Variants in PMS1 observed in about 807,000 individuals in gnomAD.
The protein encoded by PMS1 is PMS1 homolog 1, mismatch repair system component.
PMS1 carries 79 observed loss-of-function variants against 93.1 expected under a neutral mutation model. That is an observed-to-expected ratio of 0.85 (90% CI 0.71 to 1.02). The LOEUF (loss-of-function observed/expected upper bound fraction) is 1.02. Ranked by LOEUF, PMS1 falls within the 50% of genes least tolerant of loss-of-function variation. The pLI, the probability that PMS1 is intolerant of heterozygous loss-of-function variation, is 0.00. For synonymous variants in PMS1, 335 were observed against 363.4 expected (o/e 0.92, Z 0.89); for missense variants, 1,064 against 1,085.3 (o/e 0.98, Z 0.28).
At chr2:189,862,271 C>T (rs1406949816) in intron 9 of PMS1, among the ~76,000 whole-genome samples, 1 of 152,082 alleles carries the variant, frequency 6.6e-6, no homozygotes, top group African/African-American at 2.4e-5. Flanking sequence ...GTTAAGCCTA[C>T]CCGGTGAATA....
At chr2:189,812,394 A>G (rs931914979) in intron 4 of PMS1, among the ~76,000 whole-genome samples, 1 of 152,236 alleles carries the variant, frequency 6.6e-6, no homozygotes, top group African/African-American at 2.4e-5. Context: ...GCAATTTCAT[A>G]CAAATAAAAC....
intron 4 of PMS1, among the ~76,000 whole-genome samples, chr2:189,807,317 A>G (rs1305318020): frequency 6.6e-6 from 1 of 152,154 alleles, no homozygotes; most frequent in African/African-American, 2.4e-5. Flanking sequence ...GTAGAATGAT[A>G]CAAATATTAT....
intron 11 of PMS1, among the ~76,000 whole-genome samples, chr2:189,870,155 C>A (rs1307304988): frequency 1.3e-5 from 2 of 151,906 alleles, no homozygotes; most frequent in East Asian, 1.9e-4. Context: ...TTCTTCATTT[C>A]TTTGTTTTTT....
intron 10 of PMS1, among the ~76,000 whole-genome samples, chr2:189,867,213 A>C (rs543738086): frequency 6.6e-6 from 1 of 152,324 alleles, no homozygotes; most frequent in African/African-American, 2.4e-5. Flanking sequence ...GACCAAGCCT[A>C]AAACCAATAT....
chr2:189,787,292 A>G (rs772793612), intron 1 of PMS1, among the ~76,000 whole-genome samples: 23 of 152,358 alleles, frequency 1.5e-4, no homozygotes, highest in Middle Eastern at 3.4e-3. Flanking sequence ...CATAAGAAAG[A>G]TGCTGATAAA....
At position 189,854,076 on chromosome 2, in the gene PMS1, A is replaced by G. The variant is rs962647163; in HGVS notation, c.960A>G (p.Gln320=). 6.3e-7 allele frequency: 1 copy of G among 1,586,102 alleles called. No individual in the cohort carries two copies. Among genetic ancestry groups the G allele is most frequent in the East Asian group, 2.3e-5 (1 of 44,378 alleles). ...CAGATAAAAGCCAAGTATTATTACA[A>G]AATAAGGTAACTCTTTTCAGATAAT... The part of the protein sequence containing the change: ...LTPDKSQVLL[Q]NKESVLIALE... Residue 320 remains glutamine, a synonymous_variant, in exon 8 of 13, where the codon CAA becomes CAG. Transcript: ENST00000441310.
At chr2:189,803,984 G>A (rs2050117396) in intron 3 of PMS1, among the ~76,000 whole-genome samples, 1 of 152,116 alleles carries the variant, frequency 6.6e-6, no homozygotes, top group African/African-American at 2.4e-5. Flanking sequence ...GAGTATATAT[G>A]TTTAAAGGAT....
intron 3 of PMS1, among the ~76,000 whole-genome samples, chr2:189,798,766 T>G (rs1283899344): frequency 2.0e-5 from 3 of 151,704 alleles, no homozygotes; most frequent in African/African-American, 7.2e-5. Flanking sequence ...GATTTTTTTT[T>G]TTTTTTTTTT....
intron 2 of PMS1, among the ~76,000 whole-genome samples, chr2:189,794,977 A>G (rs1280752432): frequency 6.6e-6 from 1 of 152,120 alleles, no homozygotes; most frequent in Non-Finnish European, 1.5e-5. Flanking sequence ...GCATGCAGCT[A>G]TAGTCCCAGC....
At chr2:189,795,063 A>T (rs965058249) in intron 2 of PMS1, among the ~76,000 whole-genome samples, 1 of 152,222 alleles carries the variant, frequency 6.6e-6, no homozygotes, top group Admixed American at 6.5e-5. Context: ...ATGCCACTGT[A>T]CTGTATGTAG....
At chr2:189,794,575 G>C (rs912459313) in intron 2 of PMS1, among the ~76,000 whole-genome samples, 2 of 152,142 alleles carry the variant, frequency 1.3e-5, no homozygotes, top group African/African-American at 2.4e-5. Flanking sequence ...ACCAGAGTCA[G>C]TATAATTATA....
intron 8 of PMS1, 53 bp from the exon 9 acceptor site, chr2:189,854,186 C>A: frequency 7.0e-7 from 1 of 1,428,286 alleles, no homozygotes. Context: ...TATTTAAAAT[C>A]TTGTCTATTA....
intron 1 of PMS1, among the ~76,000 whole-genome samples, chr2:189,788,114 G>A (rs1441394843): frequency 6.6e-6 from 1 of 152,160 alleles, no homozygotes; most frequent in Non-Finnish European, 1.5e-5. Flanking sequence ...TATAGGAAAC[G>A]AGACAAAGAT....
intron 5 of PMS1, among the ~76,000 whole-genome samples, chr2:189,829,453 C>G (rs373256510): frequency 1.3e-5 from 2 of 152,108 alleles, no homozygotes; most frequent in Non-Finnish European, 2.9e-5. Context: ...TTCTTGCCCC[C>G]TGGTGTCCTT....
At chr2:189,869,809 T>G (rs1159432052) in intron 11 of PMS1, among the ~76,000 whole-genome samples, 1 of 139,770 alleles carries the variant, frequency 7.2e-6, no homozygotes, top group African/African-American at 2.9e-5. Context: ...CGAGTGAGAC[T>G]CCATCTTAAA....
At chr2:189,850,569 A>G (rs893372060) in intron 6 of PMS1, among the ~76,000 whole-genome samples, 6 of 152,164 alleles carry the variant, frequency 3.9e-5, no homozygotes, top group African/African-American at 1.4e-4. Context: ...TGTTGAAACT[A>G]TAGGTGTGAA....
intron 11 of PMS1, among the ~76,000 whole-genome samples, chr2:189,871,612 A>G (rs1445148740): frequency 1.3e-5 from 2 of 152,202 alleles, no homozygotes; most frequent in Admixed American, 6.5e-5. Flanking sequence ...AAGAAGTTCT[A>G]AACTTTCCCT....
chr2:189,835,969 C>T (rs2053351378), intron 5 of PMS1, among the ~76,000 whole-genome samples: 1 of 149,508 alleles, frequency 6.7e-6, no homozygotes, highest in African/African-American at 2.5e-5. Context: ...AAAAAAAAAT[C>T]CAAATATGAG....
chr2:189,864,070 C>A lies in PMS1; in HGVS notation c.2184C>A (p.His728Gln). The part of the protein sequence containing the change: ...LEEKDEPCLI[H>Q]NLRFPDAWLM... ...AGAAGGATGAACCTTGCTTGATCCA[C>A]AATCTCAGGTTTCCTGATGCATGGC... is the stretch of plus-strand genomic sequence containing the variant. Residue 728 changes from histidine to glutamine, a missense_variant, in exon 10 of 13, where the codon CAC becomes CAA. By Grantham distance (24) the His-to-Gln change is conservative. Coordinates refer to ENST00000441310, the MANE Select transcript of PMS1 (RefSeq NM_000534.5). The A allele has an allele frequency of 6.2e-7, 1 of 1,613,390 alleles. No homozygotes were observed. Among genetic ancestry groups the A allele is most frequent in the African/African-American group, 1.3e-5 (1 of 74,976 alleles).
Sources: allele counts gnomAD v4.1 joint callset (sites outside exome capture counted in the v4.1 genomes callset), GRCh38; gene constraint gnomAD v4.1.1; transcripts MANE v1.5; gene names NCBI Gene and HGNC (gene_info 2026-07-23, HGNC 2026-07-21).